The following STARD3NL variants were observed in gnomAD, a reference collection of about 807,000 sequenced individuals.
STARD3NL encodes the protein STARD3 N-terminal like, also known as STARD3 N-terminal-like protein.
STARD3NL carries 17 observed loss-of-function variants against 30.9 expected under a neutral mutation model. The ratio of observed to expected loss-of-function variants is 0.55; its 90% CI spans 0.38 to 0.82. The LOEUF is 0.82. STARD3NL is among the 40% of genes least tolerant of loss of function. The pLI is 0.00. For missense variants in STARD3NL, 234 were observed against 277.6 expected (o/e 0.84, Z 1.12); for synonymous variants, 112 against 100.5 (o/e 1.11, Z -0.69).
intron 1 of STARD3NL, among the ~76,000 whole-genome samples, chr7:38,182,125 A>C (rs1253545020): frequency 6.6e-6 from 1 of 152,178 alleles, no homozygotes; most frequent in Non-Finnish European, 1.5e-5. Flanking sequence ...TGAGCTTAAA[A>C]AACTTGACAA....
intron 1 of STARD3NL, among the ~76,000 whole-genome samples, chr7:38,192,655 G>T (rs1283606661): frequency 6.6e-6 from 1 of 152,122 alleles, no homozygotes; most frequent in East Asian, 1.9e-4. Context: ...CTGAATGAAG[G>T]TCCCAAGAAA....
chr7:38,226,149 C>G (rs1554298917), intron 7 of STARD3NL, among the ~76,000 whole-genome samples: 1 of 51,740 alleles, frequency 1.9e-5, no homozygotes, highest in Admixed American at 2.2e-4. Context: ...CTTTGCCTAT[C>G]TTGTTTTTTT....
intron 7 of STARD3NL, among the ~76,000 whole-genome samples, chr7:38,220,459 A>T (rs999927373): frequency 3.3e-5 from 5 of 152,228 alleles, no homozygotes; most frequent in African/African-American, 7.2e-5. Flanking sequence ...TGACTGTTAC[A>T]AAAAGCAAAA....
At chr7:38,219,756 G>A (rs1786343772) in intron 7 of STARD3NL, 96 bp downstream of exon 7, 1 of 986,232 alleles carries the variant, frequency 1.0e-6, no homozygotes, top group African/African-American at 1.6e-5. Context: ...AATATACTTA[G>A]CTAACATCTA....
At chr7:38,215,227 T>A in intron 4 of STARD3NL, 122 bp downstream of exon 4, 1 of 845,424 alleles carries the variant, frequency 1.2e-6, no homozygotes, top group Non-Finnish European at 1.9e-6. Flanking sequence ...CCAGCTTTCC[T>A]GAGTCCCGTT....
In STARD3NL at chr7:38,230,085, T is replaced by G. The variant is rs530045527; in HGVS notation, c.*180T>G. Reference sequence around the variant, plus strand: ...CCTCACAGACGTTGTACCATATCCATGCACATTTAGTTGCCTGCCTGTGGC... The same window carrying G: ...CCTCACAGACGTTGTACCATATCCAGGCACATTTAGTTGCCTGCCTGTGGC... On this transcript the variant is annotated 3_prime_UTR_variant, in exon 9 of 9. Transcript: ENST00000009041. 6 of 152,782 alleles carry G rather than the reference T, an allele frequency of 3.9e-5. No homozygotes were observed. The highest frequency in any genetic ancestry group is 1.4e-4 in the African/African-American group (6 of 41,586). 9.5% of individuals were successfully genotyped at this position (152,782 alleles called of 1,614,324 possible). A position where few individuals can be genotyped will look rare whatever the true frequency, so the allele number is the denominator to read the frequency against.
intron 7 of STARD3NL, among the ~76,000 whole-genome samples, chr7:38,222,044 G>A (rs1209686396): frequency 6.6e-6 from 1 of 152,090 alleles, no homozygotes; most frequent in East Asian, 1.9e-4. Flanking sequence ...TGTCTGCACT[G>A]CCTTCAGCGC....
chr7:38,217,608 C>A (rs1786200585), intron 6 of STARD3NL, among the ~76,000 whole-genome samples: 1 of 152,214 alleles, frequency 6.6e-6, no homozygotes, highest in South Asian at 2.1e-4. Flanking sequence ...TCTCCCCAGA[C>A]AGGTTGTTCT....
intron 4 of STARD3NL, chr7:38,216,783 G>T: frequency 1.9e-6 from 1 of 522,666 alleles, no homozygotes; most frequent in Non-Finnish European, 3.4e-6. Context: ...ACACCAGCCT[G>T]CTGAAATGTG....
intron 1 of STARD3NL, among the ~76,000 whole-genome samples, chr7:38,206,973 A>G (rs10255648): frequency 0.22 from 33,311 of 152,064 alleles, 4,029 homozygotes; most frequent in Admixed American, 0.34. Flanking sequence ...GGACCTTGCT[A>G]TATTGCCCAG....
At chr7:38,179,300 TG>T in intron 1 of STARD3NL, among the ~76,000 whole-genome samples, 1 of 152,368 alleles carries the variant, frequency 6.6e-6, no homozygotes, top group African/African-American at 2.4e-5. Context: ...AAACGACTTA[TG>T]GTATCCTTGT....
chr7:38,212,030 A>T (rs1018136975), intron 2 of STARD3NL, among the ~76,000 whole-genome samples: 1 of 151,242 alleles, frequency 6.6e-6, no homozygotes, highest in Admixed American at 6.6e-5. Context: ...CCACATTATC[A>T]CTCATCCAAA....
intron 6 of STARD3NL, among the ~76,000 whole-genome samples, chr7:38,218,551 T>C (rs1396187394): frequency 6.6e-6 from 1 of 152,270 alleles, no homozygotes; most frequent in Non-Finnish European, 1.5e-5. Flanking sequence ...GAGGCTTGAA[T>C]GGTTATAGGA....
chr7:38,228,730 T>G (rs1786928388), intron 7 of STARD3NL, 69 bp from the exon 8 acceptor site: 3 of 1,322,026 alleles, frequency 2.3e-6, no homozygotes, highest in South Asian at 2.6e-5. Flanking sequence ...TTAAACCTAT[T>G]TATTTAAAAT....
chr7:38,193,707 G>A (rs752755375), intron 1 of STARD3NL, among the ~76,000 whole-genome samples: 3 of 152,194 alleles, frequency 2.0e-5, no homozygotes, highest in Non-Finnish European at 4.4e-5. Context: ...ATGACATAAT[G>A]TATCTTAAGT....
intron 1 of STARD3NL, among the ~76,000 whole-genome samples, chr7:38,185,999 C>T (rs939245561): frequency 6.6e-6 from 1 of 152,074 alleles, no homozygotes; most frequent in Non-Finnish European, 1.5e-5. Flanking sequence ...TAGTAAGTAT[C>T]GAAGGAATGA....
chr7:38,207,374 C>T, intron 1 of STARD3NL, 73 bp from the exon 2 acceptor site: 1 of 671,042 alleles, frequency 1.5e-6, no homozygotes. Context: ...AATAGTTGCA[C>T]AGTGGAGAGG....
At chr7:38,200,122 G>A (rs1264572746) in intron 1 of STARD3NL, among the ~76,000 whole-genome samples, 1 of 152,196 alleles carries the variant, frequency 6.6e-6, no homozygotes, top group Non-Finnish European at 1.5e-5. Context: ...TTAGGCAGAT[G>A]AAGCAACTAG....
At chr7:38,191,911 A>G (rs1471736730) in intron 1 of STARD3NL, among the ~76,000 whole-genome samples, 1 of 48,606 alleles carries the variant, frequency 2.1e-5, no homozygotes, top group African/African-American at 5.6e-5. Flanking sequence ...AGTTTCTATT[A>G]AAAAAAAAAG....
Sources: gnomAD v4.1 joint callset for allele counts (sites outside exome capture counted in the v4.1 genomes callset) on GRCh38, gnomAD v4.1.1 for gene constraint, MANE v1.5 for transcripts, NCBI Gene and HGNC (gene_info 2026-07-23, HGNC 2026-07-21) for gene names.